DLG2: variants seen among roughly 807,000 people sequenced by gnomAD.
DLG2 encodes the protein discs large MAGUK scaffold protein 2.
Under a neutral mutation model 132.5 loss-of-function variants are expected in DLG2, and 45 were observed. The ratio of observed to expected loss-of-function variants is 0.34; its 90% CI spans 0.27 to 0.44. The LOEUF is 0.44. Among genes scored for constraint, DLG2 ranks in the 20% least tolerant of loss-of-function variants. DLG2 has a pLI of 1.00. For missense variants in DLG2, 1,045 were observed against 1,196.9 expected (o/e 0.87, Z 1.87); for synonymous variants, 424 against 419.6 (o/e 1.01, Z -0.13).
In DLG2 at chr11:83,938,990, T is replaced by C. The variant is rs561069315; in HGVS notation, c.1341-8507A>G. Among the ~76,000 whole-genome samples the C allele has an allele frequency of 3.3e-5, 5 of 152,326 alleles. No individual in the cohort carries two copies. The South Asian group carries it at 1.0e-3, about 32-fold the overall frequency. ...TACTTTCTACCTGATAGCTTCTTCT[T>C]GCCCTCAGTTTCTGTTCTGTAATGA... On this transcript the variant is annotated intron_variant, in intron 14 of 27. Transcript: ENST00000376104.
At chr11:83,601,767 C>T (rs1170573835) in intron 19 of DLG2, among the ~76,000 whole-genome samples, 1 of 151,760 alleles carries the variant, frequency 6.6e-6, no homozygotes, top group Non-Finnish European at 1.5e-5. Flanking sequence ...AAGTGATCTG[C>T]CGGCCTCGGC....
At chr11:85,424,489 A>G (rs978660855) in intron 3 of DLG2, among the ~76,000 whole-genome samples, 9 of 152,140 alleles carry the variant, frequency 5.9e-5, no homozygotes. Context: ...GAATAAGACA[A>G]CCCTGAAACC....
At chr11:83,837,735 A>AAAAAAAAAAAAAAAAAAAG (rs2056601459) in intron 16 of DLG2, among the ~76,000 whole-genome samples, 1 of 149,792 alleles carries the variant, frequency 6.7e-6, no homozygotes, top group Non-Finnish European at 1.5e-5. Flanking sequence ...AAAAAAAAAA[A>AAAAAAAAAAAAAAAAAAAG]AAAAAAAAAA....
intron 6 of DLG2, among the ~76,000 whole-genome samples, chr11:84,816,282 C>A (rs2077077605): frequency 6.6e-6 from 1 of 151,924 alleles, no homozygotes; most frequent in Non-Finnish European, 1.5e-5. Context: ...CAACTGGTAC[C>A]ATTTTATTAT....
intron 3 of DLG2, among the ~76,000 whole-genome samples, chr11:85,582,590 G>T (rs1254029920): frequency 7.3e-6 from 1 of 137,510 alleles, no homozygotes; most frequent in Admixed American, 8.1e-5. Flanking sequence ...TTGGGAGGCC[G>T]AGGCAGGTGG....
At position 84,047,076 on chromosome 11, in the gene DLG2, G is replaced by A. The variant is rs140346484; in HGVS notation, c.919+12239C>T. 3.8e-4 allele frequency among the ~76,000 whole-genome samples: 58 copies of A among 151,742 alleles called. 1 individual carries two copies. Among genetic ancestry groups the A allele is most frequent in the African/African-American group, 1.3e-3 (56 of 41,492 alleles). On this transcript the variant is annotated intron_variant, in intron 11 of 27. Coordinates refer to ENST00000376104, the MANE Select transcript of DLG2 (RefSeq NM_001142699.3). ...CAAAATGGATTTAGTCAGGGATCAT[G>A]AAGAATTTAGCATGAAGTCAGTATC...
intron 3 of DLG2, among the ~76,000 whole-genome samples, chr11:85,587,608 G>A (rs2079052275): frequency 6.6e-6 from 1 of 152,120 alleles, no homozygotes; most frequent in South Asian, 2.1e-4. Flanking sequence ...TGAATCTCTT[G>A]AAGAGAGCAG....
At chr11:83,799,964 A>T (rs750400724) in intron 17 of DLG2, among the ~76,000 whole-genome samples, 8 of 152,208 alleles carry the variant, frequency 5.3e-5, no homozygotes, top group Non-Finnish European at 1.2e-4. Context: ...CACATCACAG[A>T]GTTGCTGTAA....
chr11:84,335,304 C>T (rs2098479233), intron 7 of DLG2, among the ~76,000 whole-genome samples: 1 of 151,722 alleles, frequency 6.6e-6, no homozygotes, highest in Non-Finnish European at 1.5e-5. Flanking sequence ...ACCATTTTAA[C>T]ATGGCTTCAG....
chr11:84,399,014 T>C (rs1170297612), intron 7 of DLG2, among the ~76,000 whole-genome samples: 1 of 152,190 alleles, frequency 6.6e-6, no homozygotes, highest in Non-Finnish European at 1.5e-5. Context: ...GTATGCATAG[T>C]ATATATAAGA....
intron 5 of DLG2, among the ~76,000 whole-genome samples, chr11:85,119,853 G>A (rs2074093736): frequency 6.6e-6 from 1 of 151,942 alleles, no homozygotes; most frequent in South Asian, 2.1e-4. Flanking sequence ...AAAGTAAAGA[G>A]ATTTAGCACA....
At chr11:84,444,816 T>C (rs77524797) in intron 7 of DLG2, among the ~76,000 whole-genome samples, 1 of 151,910 alleles carries the variant, frequency 6.6e-6, no homozygotes, top group Non-Finnish European at 1.5e-5. Context: ...TTTTTTTTTT[T>C]TCTTTGAGAC....
chr11:85,133,762 C>T (rs1241296488), intron 5 of DLG2, among the ~76,000 whole-genome samples: 1 of 152,070 alleles, frequency 6.6e-6, no homozygotes, highest in Non-Finnish European at 1.5e-5. Flanking sequence ...TCTGCAGGCA[C>T]TTATTAAGTG....
chr11:83,919,978 T>C (rs1408072031), intron 15 of DLG2, among the ~76,000 whole-genome samples: 3 of 152,180 alleles, frequency 2.0e-5, no homozygotes, highest in Admixed American at 6.5e-5. Context: ...GTTAGGCAGG[T>C]TGCTCAAAGA....
At chr11:84,180,878 T>A (rs2096103050) in intron 8 of DLG2, among the ~76,000 whole-genome samples, 1 of 152,022 alleles carries the variant, frequency 6.6e-6, no homozygotes, top group Admixed American at 6.6e-5. Context: ...ATTAAGGAAA[T>A]GTTTCTGTCA....
At chr11:83,742,500 T>C (rs1160755402) in intron 18 of DLG2, among the ~76,000 whole-genome samples, 1 of 152,178 alleles carries the variant, frequency 6.6e-6, no homozygotes, top group Non-Finnish European at 1.5e-5. Flanking sequence ...GCTACCAAGA[T>C]TCAGGAGTCC....
At chr11:83,584,735 G>A (rs942992524) in intron 19 of DLG2, among the ~76,000 whole-genome samples, 1 of 152,224 alleles carries the variant, frequency 6.6e-6, no homozygotes, top group Non-Finnish European at 1.5e-5. Context: ...TCCTGGGCCA[G>A]CAGCTGATGG....
intron 15 of DLG2, among the ~76,000 whole-genome samples, chr11:83,913,490 C>A (rs2076411390): frequency 6.6e-6 from 1 of 151,984 alleles, no homozygotes; most frequent in Non-Finnish European, 1.5e-5. Context: ...GTTGATAAGG[C>A]AAACATGGAA....
chr11:83,785,286 C>T (rs2153883546), intron 18 of DLG2, among the ~76,000 whole-genome samples: 1 of 152,238 alleles, frequency 6.6e-6, no homozygotes, highest in East Asian at 1.9e-4. Flanking sequence ...GATCTCCTGA[C>T]CTCCTGATCC....
Sources: gnomAD v4.1 joint callset for allele counts (sites outside exome capture counted in the v4.1 genomes callset) on GRCh38, gnomAD v4.1.1 for gene constraint, MANE v1.5 for transcripts, NCBI Gene and HGNC (gene_info 2026-07-23, HGNC 2026-07-21) for gene names.